Variants in DEPDC7 observed in about 807,000 individuals in gnomAD.
DEPDC7 encodes the protein DEP domain containing 7.
In DEPDC7, 41 loss-of-function variants were observed where a neutral mutation model predicts 56.6. The observed-to-expected ratio is 0.72, with a 90% confidence interval of 0.56 to 0.94. The LOEUF (loss-of-function observed/expected upper bound fraction) is 0.94, where lower values mean the gene tolerates loss of function less well. Ranked by LOEUF, DEPDC7 falls within the 40% of genes least tolerant of loss-of-function variation. The probability of loss-of-function intolerance (pLI) is 0.00; values close to 1 mark genes in which losing one functional copy is unlikely to be tolerated. For missense variants in DEPDC7, 522 were observed against 596.3 expected, an observed-to-expected ratio of 0.88 and a Z score of 1.30; for synonymous variants, 185 against 208.8, an observed-to-expected ratio of 0.89 and a Z score of 0.98.
At chr11:33,026,346 A>G in intron 2 of DEPDC7, 1 of 351,316 alleles carries the variant, frequency 2.8e-6, no homozygotes, top group South Asian at 3.5e-5. Flanking sequence ...GAAGGCAGGC[A>G]GAGAGAAACC....
intron 1 of DEPDC7, among the ~76,000 whole-genome samples, chr11:33,020,634 A>G (rs1853514276): frequency 1.3e-5 from 2 of 152,098 alleles, no homozygotes; most frequent in African/African-American, 4.8e-5. Context: ...CAGTCTTTAC[A>G]TTCCTATAAT....
In DEPDC7 at chr11:33,027,651, A is replaced by G. The variant is rs1853592348; in HGVS notation, c.465-35A>G. The G allele has an allele frequency of 2.1e-6, 3 of 1,458,166 alleles. No homozygotes were observed. In the Admixed American group the frequency reaches 8.5e-5, roughly 41 times the overall value. 90.3% of individuals were successfully genotyped at this position (1,458,166 alleles called of 1,614,324 possible). A position where few individuals can be genotyped will look rare whatever the true frequency, so the allele number is the denominator to read the frequency against. ...AATACTAAAATATTTCTGTGGGCTTAGTAAATGTTCATTTCTGAAATAAAT... is the reference window on the plus strand; with the variant it reads ...AATACTAAAATATTTCTGTGGGCTTGGTAAATGTTCATTTCTGAAATAAAT... On this transcript the variant is annotated intron_variant, in intron 2 of 8. Coordinates refer to ENST00000241051, the MANE Select transcript of DEPDC7 (RefSeq NM_001077242.2).
At chr11:33,030,935 G>C (rs16923752) in intron 4 of DEPDC7, among the ~76,000 whole-genome samples, 5,793 of 152,268 alleles carry the variant, frequency 0.038, 386 homozygotes, top group African/African-American at 0.13. Context: ...CCTAGCTAAA[G>C]GGAGAGCTAA....
At chr11:33,024,275 G>A (rs982217797) in intron 1 of DEPDC7, among the ~76,000 whole-genome samples, 3 of 152,196 alleles carry the variant, frequency 2.0e-5, no homozygotes, top group Admixed American at 6.5e-5. Context: ...GCTTTCTTCT[G>A]TGCGTACTCT....
chr11:33,024,802 C>CTGTG (rs35371602), intron 1 of DEPDC7, among the ~76,000 whole-genome samples: 16,133 of 146,362 alleles, frequency 0.11, 1,096 homozygotes, highest in Non-Finnish European at 0.15. Flanking sequence ...ATGCATGACT[C>CTGTG]TGTGTGTGTG....
intron 1 of DEPDC7, among the ~76,000 whole-genome samples, chr11:33,023,726 T>G (rs965921464): frequency 1.1e-4 from 16 of 152,220 alleles, no homozygotes; most frequent in African/African-American, 3.9e-4. Flanking sequence ...AGAGAGGGTT[T>G]CACCACCTTC....
chr11:33,033,344 A>G lies in DEPDC7; in HGVS notation c.1425A>G (p.Leu475=), dbSNP rs1035391896. The part of the protein sequence containing the change: ...EKTTKDELLN[L]LKTLDEDSKL... ...CAACCAAAGATGAGCTGTTGAATTT[A>G]CTAAAAACTCTTGATGAGGATTCAA... Residue 475 remains leucine (L), a synonymous_variant, in exon 9 of 9, where the codon TTA becomes TTG. Coordinates refer to ENST00000241051, the MANE Select transcript of DEPDC7 (RefSeq NM_001077242.2). 6.2e-7 allele frequency: 1 copy of G among 1,611,446 alleles called. No homozygotes were observed. The highest frequency in any genetic ancestry group is 1.3e-5 in the African/African-American group (1 of 74,932).
chr11:33,032,357 C>T lies in DEPDC7; in HGVS notation c.1016C>T (p.Ala339Val). The T allele has an allele frequency of 3.2e-6, 5 of 1,562,892 alleles. No individual in the cohort carries two copies. Among genetic ancestry groups the T allele is most frequent in the Non-Finnish European group, 4.3e-6 (5 of 1,165,000 alleles). The change falls in exon 6 of 9, where the codon GCT (alanine) becomes GTT (valine). Residue 339 changes from alanine to valine, a missense_variant. Transcript: ENST00000241051. ...ELLVNGKTEI[A>V]LEATQLLLKL... is the part of the protein sequence containing the mutation. ...AAAGTGAATGGGAAGACGGAAATAGCTTTAGAAGCTACCCAGCTCCTTCTA... is the reference window on the plus strand; with the variant it reads ...AAAGTGAATGGGAAGACGGAAATAGTTTTAGAAGCTACCCAGCTCCTTCTA...
chr11:33,023,671 T>C (rs1170333176), intron 1 of DEPDC7, among the ~76,000 whole-genome samples: 3 of 152,188 alleles, frequency 2.0e-5, no homozygotes, highest in Non-Finnish European at 2.9e-5. Flanking sequence ...TAACTGGGAT[T>C]GCAGGTGCCT....
intron 1 of DEPDC7, chr11:33,016,705 C>A: frequency 1.1e-6 from 1 of 896,614 alleles, no homozygotes. Flanking sequence ...CTAATCGTGT[C>A]TTTTGGGGGC....
chr11:33,019,581 G>A (rs562579109), intron 1 of DEPDC7, among the ~76,000 whole-genome samples: 8 of 151,882 alleles, frequency 5.3e-5, no homozygotes, highest in African/African-American at 1.9e-4. Context: ...CAGGAGAATC[G>A]CTTGAACCCA....
chr11:33,019,609 T>G (rs895676900), intron 1 of DEPDC7, among the ~76,000 whole-genome samples: 10 of 149,932 alleles, frequency 6.7e-5, no homozygotes, highest in Middle Eastern at 3.2e-3. Flanking sequence ...GAGGTTGCAG[T>G]GAGCCGAGAT....
chr11:33,030,615 G>T (rs1037328059), intron 4 of DEPDC7, among the ~76,000 whole-genome samples: 1 of 151,632 alleles, frequency 6.6e-6, no homozygotes, highest in Non-Finnish European at 1.5e-5. Context: ...ATGAGGTCTC[G>T]CTCTGTTGCC....
chr11:33,020,547 A>G (rs909755152), intron 1 of DEPDC7, among the ~76,000 whole-genome samples: 12 of 152,344 alleles, frequency 7.9e-5, no homozygotes, highest in African/African-American at 2.4e-4. Context: ...AAATTTGTCC[A>G]TATGCTTCCT....
Position 33,015,974 on chromosome 11 carries a change from A to C in DEPDC7, c.19A>C (p.Lys7Gln). 1.9e-6 allele frequency: 3 copies of C among 1,578,540 alleles called. No homozygotes were observed. The highest frequency in any genetic ancestry group is 2.6e-6 in the Non-Finnish European group (3 of 1,163,216). Residue 7 changes from lysine to glutamine, a missense_variant, in exon 1 of 9, where the codon AAG (lysine) becomes CAG (glutamine). Coordinates refer to ENST00000241051, the MANE Select transcript of DEPDC7 (RefSeq NM_001077242.2). ...AAGGGCCATGGCCACCGTGCAGGAG[A>C]AGGCTGCTGCGCTGAACCTCTCGGC... MATVQE[K>Q]AAALNLSALH...
rs755743891 is a variant in DEPDC7 at position 33,015,942 on chromosome 11, G to C, written c.-14G>C. On this transcript the variant is annotated 5_prime_UTR_variant, in exon 1 of 9. Transcript: ENST00000241051. The stretch of plus-strand genomic sequence containing the variant: ...GAAGCTGCTGGAGGAGTTGGCGTCC[G>C]GGGAGCAAGGGCCATGGCCACCGTG... The C allele has an allele frequency of 6.4e-7, 1 of 1,569,058 alleles. No individual in the cohort carries two copies. Among genetic ancestry groups the C allele is most frequent in the East Asian group, 2.4e-5 (1 of 41,804 alleles).
Position 33,015,928 on chromosome 11 carries a change from A to C in DEPDC7, c.-28A>C, listed in dbSNP as rs1022567967. 6.4e-7 allele frequency: 1 copy of C among 1,559,060 alleles called. No homozygotes were observed. The highest frequency in any genetic ancestry group is 8.7e-7 in the Non-Finnish European group (1 of 1,152,276). ...AGCTAGGGAGCTGTGAAGCTGCTGG[A>C]GGAGTTGGCGTCCGGGGAGCAAGGG... On this transcript the variant is annotated 5_prime_UTR_variant, in exon 1 of 9. Coordinates refer to ENST00000241051, the MANE Select transcript of DEPDC7 (RefSeq NM_001077242.2).
At position 33,020,850 on chromosome 11, in the gene DEPDC7, T is replaced by C. The variant is rs140035221; in HGVS notation, c.74-4809T>C. On this transcript the variant is annotated intron_variant, in intron 1 of 8. Coordinates refer to ENST00000241051, the MANE Select transcript of DEPDC7 (RefSeq NM_001077242.2). ...ACCTAAAATATTGTGTTCAACTATT[T>C]TATCAGTAGATAAAGAAACCTACTT... 9.6e-4 allele frequency among the ~76,000 whole-genome samples: 147 copies of C among 152,338 alleles called. 1 individual carries two copies. Among genetic ancestry groups the C allele is most frequent in the African/African-American group, 3.5e-3 (144 of 41,578 alleles).
chr11:33,022,719 C>T (rs1853535313), intron 1 of DEPDC7, among the ~76,000 whole-genome samples: 1 of 152,112 alleles, frequency 6.6e-6, no homozygotes, highest in Non-Finnish European at 1.5e-5. Context: ...GTTCTGGATA[C>T]CAGAAATGAC....
Sources: gnomAD v4.1 joint callset for allele counts (sites outside exome capture counted in the v4.1 genomes callset) on GRCh38, gnomAD v4.1.1 for gene constraint, MANE v1.5 for transcripts, NCBI Gene and HGNC (gene_info 2026-07-23, HGNC 2026-07-21) for gene names.